OCRL: variants seen among roughly 807,000 people sequenced by gnomAD.
The protein encoded by OCRL is OCRL inositol polyphosphate-5-phosphatase, also known as inositol polyphosphate 5-phosphatase OCRL.
OCRL carries 8 observed loss-of-function variants against 78.9 expected under a neutral mutation model. The observed-to-expected ratio is 0.10, with a 90% CI of 0.06 to 0.18. The LOEUF is 0.18. Among genes scored for constraint, OCRL ranks in the 10% least tolerant of loss-of-function variants. OCRL has a pLI of 1.00. For synonymous variants in OCRL, 240 were observed against 235.4 expected (o/e 1.02, Z -0.18); for missense variants, 454 against 696.7 (o/e 0.65, Z 3.92).
intron 18 of OCRL, among the ~76,000 whole-genome samples, chrX:129,577,985 G>A (rs1187212506): frequency 9.0e-6 from 1 of 110,896 alleles, no homozygotes; most frequent in Non-Finnish European, 1.9e-5. Context: ...TTTTTATTAT[G>A]AAAAATGTCA....
intron 10 of OCRL, 92 bp downstream of exon 10, chrX:129,561,385 G>A (rs1236956599): frequency 5.2e-6 from 3 of 575,050 alleles, no homozygotes; most frequent in Non-Finnish European, 9.2e-6. Context: ...CAAAAGAATA[G>A]TTTAATTGAA....
At position 129,557,964 on chromosome X, in the gene OCRL, C is replaced by T. The variant is rs751398054; in HGVS notation, c.439+14C>T. 2 of 1,064,690 alleles carry T rather than the reference C, an allele frequency of 1.9e-6. No individual in the cohort carries two copies. The highest frequency in any genetic ancestry group is 2.6e-6 in the Non-Finnish European group (2 of 762,337). The allele number at this position is 1,064,690 out of a possible 1,213,427, so 87.7% of individuals were successfully genotyped here. The stretch of plus-strand genomic sequence containing the variant: ...CTGTTTTTTCAGGTACTAAAAAGTT[C>T]CTGGTTTCCTTGTTGCTATGGTCAT... On this transcript the variant is annotated intron_variant, in intron 6 of 23. Transcript: ENST00000371113.
Position 129,591,971 on chromosome X carries a change from A to T in OCRL, c.*1701A>T, listed in dbSNP as rs1168031184. The T allele has an allele frequency of 8.8e-6, 1 of 113,846 alleles. No individual in the cohort carries two copies. Among genetic ancestry groups the T allele is most frequent in the Non-Finnish European group, 1.9e-5 (1 of 53,335 alleles). The allele number at this position is 113,846 out of a possible 1,213,427, so 9.4% of individuals were successfully genotyped here. On this transcript the variant is annotated 3_prime_UTR_variant, in exon 24 of 24. Coordinates refer to ENST00000371113, the MANE Select transcript of OCRL (RefSeq NM_000276.4). Reference sequence around the variant, plus strand: ...CTGGGGTAGGGTCATACCACAGGGAAATACCTTTCCTGGGCTTGTTTTCTA... The same window carrying T: ...CTGGGGTAGGGTCATACCACAGGGATATACCTTTCCTGGGCTTGTTTTCTA...
chrX:129,551,062 A>G (rs976512293), intron 4 of OCRL, among the ~76,000 whole-genome samples: 1 of 110,438 alleles, frequency 9.1e-6, no homozygotes, highest in Non-Finnish European at 1.9e-5. Context: ...ATTCTTCCTT[A>G]TTTGACCAAT....
At chrX:129,571,375 T>C (rs780201153) in intron 15 of OCRL, among the ~76,000 whole-genome samples, 5 of 102,923 alleles carry the variant, frequency 4.9e-5, no homozygotes, top group Non-Finnish European at 8.0e-5. Context: ...TTTTTTTTTT[T>C]TTTTTTTGAG....
chrX:129,587,229 A>G, intron 20 of OCRL, 111 bp downstream of exon 20: 2 of 558,909 alleles, frequency 3.6e-6, no homozygotes, highest in Admixed American at 4.6e-5. Flanking sequence ...CTACCTGCAC[A>G]CAGTGGCACT....
At chrX:129,543,222 T>G (rs1935834909) in intron 2 of OCRL, among the ~76,000 whole-genome samples, 1 of 112,528 alleles carries the variant, frequency 8.9e-6, no homozygotes, top group African/African-American at 3.2e-5. Flanking sequence ...ATTTTTATGC[T>G]TATTCTTAGC....
intron 17 of OCRL, 24 bp downstream of exon 17, chrX:129,576,086 C>T (rs1281566948): frequency 8.4e-7 from 1 of 1,183,576 alleles, no homozygotes; most frequent in South Asian, 1.8e-5. Flanking sequence ...TTACCATTGT[C>T]TCTGCTGGTG....
At chrX:129,555,435 C>T (rs1411006376) in intron 4 of OCRL, among the ~76,000 whole-genome samples, 1 of 111,587 alleles carries the variant, frequency 9.0e-6, no homozygotes, top group African/African-American at 3.3e-5. Flanking sequence ...GATCACGCCA[C>T]TGTGTTCCAG....
chrX:129,546,069 A>G (rs1483031399), intron 3 of OCRL, among the ~76,000 whole-genome samples: 2 of 111,753 alleles, frequency 1.8e-5, no homozygotes, highest in Non-Finnish European at 3.8e-5. Context: ...ACTACATTGA[A>G]CTTTTTTTTT....
Position 129,591,443 on chromosome X carries a change from C to G in OCRL, c.*1173C>G, listed in dbSNP as rs1025495118. ...AACCAAGCACCTTACCTCTCCCATA[C>G]AAGATGACCCTCTGAGCTTTTCATT... On this transcript the variant is annotated 3_prime_UTR_variant, in exon 24 of 24. Transcript: ENST00000371113. The G allele has an allele frequency of 3.6e-5, 4 of 112,194 alleles. No homozygotes were observed. The highest frequency in any genetic ancestry group is 1.3e-4 in the African/African-American group (4 of 30,788). 9.2% of individuals were successfully genotyped at this position (112,194 alleles called of 1,213,427 possible).
chrX:129,579,148 T>C (rs1290921929), intron 18 of OCRL, among the ~76,000 whole-genome samples: 2 of 111,833 alleles, frequency 1.8e-5, no homozygotes, highest in Non-Finnish European at 3.8e-5. Flanking sequence ...ATCATGACAG[T>C]ACTCAAAAAG....
In OCRL at chrX:129,569,382, G is replaced by T; in HGVS notation, c.1585G>T (p.Ala529Ser). 1 of 1,210,600 alleles carries T rather than the reference G, an allele frequency of 8.3e-7. No individual in the cohort carries two copies. ...LKTSDHKPVS[A>S]LFHIGVKVVD... is the part of the protein sequence containing the mutation. ...AACCAGCGACCACAAGCCTGTTAGC[G>T]CCCTCTTCCATATTGGGGTAAACAC... Residue 529 changes from alanine to serine, a missense_variant, in exon 15 of 24, where the codon GCC (alanine) becomes TCC (serine). By Grantham distance (99) the Ala-to-Ser change is moderately conservative (BLOSUM62 1). Around this residue, in one of 2 missense-constraint regions of OCRL, gnomAD observed 277 missense variants for 517.1 expected, o/e 0.54. Coordinates refer to ENST00000371113, the MANE Select transcript of OCRL (RefSeq NM_000276.4).
chrX:129,546,229 CATCTT>C (rs1487359246), intron 3 of OCRL, among the ~76,000 whole-genome samples: 2 of 112,128 alleles, frequency 1.8e-5, no homozygotes, highest in Admixed American at 9.4e-5. Context: ...GAGTGATACT[CATCTT>C]ATACAATTTT....
intron 14 of OCRL, 113 bp from the exon 15 acceptor site, chrX:129,569,151 A>T (rs1229176168): frequency 2.3e-6 from 2 of 876,189 alleles, no homozygotes; most frequent in Non-Finnish European, 3.4e-6. Flanking sequence ...GGAGAAGTAC[A>T]CGGTTCTTTG....
intron 1 of OCRL, 83 bp from the exon 2 acceptor site, chrX:129,540,661 G>T (rs1463881490): frequency 3.6e-6 from 3 of 822,862 alleles, no homozygotes; most frequent in East Asian, 3.3e-5. Flanking sequence ...CGGTGGGGGG[G>T]GGGTGGAAGA....
intron 22 of OCRL, 88 bp from the exon 23 acceptor site, chrX:129,589,757 A>G (rs1936563039): frequency 4.7e-6 from 3 of 631,814 alleles, no homozygotes; most frequent in Admixed American, 2.3e-5. Flanking sequence ...GGGTTGGATT[A>G]TAGACTACTA....
At chrX:129,566,065 G>A (rs779052652) in intron 13 of OCRL, among the ~76,000 whole-genome samples, 182 bp downstream of exon 13, 12 of 112,042 alleles carry the variant, frequency 1.1e-4, no homozygotes, top group Non-Finnish European at 2.1e-4. Flanking sequence ...TGCTTGGATG[G>A]GAGGAGGGAA....
chrX:129,588,778 A>G (rs1401743097), intron 21 of OCRL, 108 bp from the exon 22 acceptor site: 1 of 945,191 alleles, frequency 1.1e-6, no homozygotes, highest in Non-Finnish European at 1.5e-6. Flanking sequence ...ATGTGCCCTG[A>G]ATAAGAGGAG....
Sources: allele counts gnomAD v4.1 joint callset (sites outside exome capture counted in the v4.1 genomes callset), GRCh38; gene constraint gnomAD v4.1.1; regional missense constraint gnomAD v4.1.1; transcripts MANE v1.5; gene names NCBI Gene and HGNC (gene_info 2026-07-23, HGNC 2026-07-21).